RNF166: variants seen among roughly 807,000 people sequenced by gnomAD.
RNF166 encodes ring finger protein 166, also known as E3 ubiquitin-protein ligase RNF166.
Under a neutral mutation model 29.4 loss-of-function variants are expected in RNF166, and 19 were observed. That is an observed-to-expected ratio of 0.65 (90% confidence interval 0.45 to 0.95). The LOEUF (loss-of-function observed/expected upper bound fraction) is 0.95, where lower values mean the gene tolerates loss of function less well. Ranked by LOEUF, RNF166 falls within the 40% of genes least tolerant of loss-of-function variation. RNF166 has a pLI of 0.00. For synonymous variants in RNF166, 171 were observed against 134.5 expected (o/e 1.27, Z -1.88); for missense variants, 347 against 322.1 (o/e 1.08, Z -0.59).
Position 88,698,487 on chromosome 16 carries a change from T to C in RNF166, c.648+15A>G. On this transcript the variant is annotated intron_variant, in intron 5 of 5. Coordinates refer to ENST00000312838, the MANE Select transcript of RNF166 (RefSeq NM_178841.4). ...AGGAGGGCGTGGGGGAGGACGGTGC[T>C]GGCGGGATGCCTACCACAAAGGTGT... The C allele has an allele frequency of 1.3e-6, 2 of 1,550,970 alleles. No homozygotes were observed. Among genetic ancestry groups the C allele is most frequent in the Non-Finnish European group, 1.7e-6 (2 of 1,144,516 alleles).
Position 88,699,818 on chromosome 16 carries a change from C to T in RNF166, c.313-86G>A, listed in dbSNP as rs181342494. 71 of 882,240 alleles carry T rather than the reference C, an allele frequency of 8.0e-5. No homozygotes were observed. In the East Asian group the frequency reaches 1.8e-3, roughly 22 times the overall value. 54.7% of individuals were successfully genotyped at this position (882,240 alleles called of 1,614,324 possible). On this transcript the variant is annotated intron_variant, in intron 2 of 5. Coordinates refer to ENST00000312838, the MANE Select transcript of RNF166 (RefSeq NM_178841.4). ...AGGCCGAGACCTCAGGTGTCCAGGA[C>T]CAGAGAACTGTAAGCAAGCGTCTGT... is the stretch of plus-strand genomic sequence containing the variant.
intron 1 of RNF166, chr16:88,704,378 G>GACTAC: frequency 1.0e-6 from 1 of 985,436 alleles, no homozygotes; most frequent in Non-Finnish European, 1.2e-6. Context: ...GGTGAGACTA[G>GACTAC]GATGGTCGTC....
chr16:88,706,209 G>T lies in RNF166; in HGVS notation c.117C>A (p.Val39=). 1 of 1,315,074 alleles carries T rather than the reference G, an allele frequency of 7.6e-7. No individual in the cohort carries two copies. The highest frequency in any genetic ancestry group is 3.6e-5 in the East Asian group (1 of 28,018). The allele number at this position is 1,315,074 out of a possible 1,614,324, so 81.5% of individuals were successfully genotyped here. The change falls in exon 1 of 6, where the codon GTC becomes GTA. Residue 39 remains valine, a synonymous_variant. Coordinates refer to ENST00000312838, the MANE Select transcript of RNF166 (RefSeq NM_178841.4). ...AQYTCPICLE[V]YHRPVAIGSC... is the part of the protein sequence containing the mutation. Reference sequence around the variant, plus strand: ...TGCCGATGGCCACGGGCCGGTGATAGACCTCCAGGCAGATGGGGCAGGTGT... The same window carrying T: ...TGCCGATGGCCACGGGCCGGTGATATACCTCCAGGCAGATGGGGCAGGTGT...
intron 5 of RNF166, 132 bp from the exon 6 acceptor site, chr16:88,697,765 C>T (rs948522903): frequency 2.5e-5 from 17 of 675,406 alleles, no homozygotes; most frequent in Non-Finnish European, 3.2e-5. Context: ...GACCCAGCTC[C>T]ACTGTCCCCA....
intron 3 of RNF166, 83 bp from the exon 4 acceptor site, chr16:88,699,168 C>G: frequency 1.1e-5 from 11 of 993,946 alleles, no homozygotes; most frequent in Non-Finnish European, 1.7e-5. Flanking sequence ...ACAGGCGTGG[C>G]CCCAGGCCTG....
chr16:88,699,749 G>A lies in RNF166; in HGVS notation c.313-17C>T, dbSNP rs1910020989. ...CAGGGTCACCTAGGAGACAGGGCAG[G>A]GAGGGCAAGGCGGTCCTGAGAATCT... On this transcript the variant is annotated splice_polypyrimidine_tract_variant and intron_variant, in intron 2 of 5. Coordinates refer to ENST00000312838, the MANE Select transcript of RNF166 (RefSeq NM_178841.4). The A allele has an allele frequency of 6.3e-7, 1 of 1,598,312 alleles. No homozygotes were observed. The highest frequency in any genetic ancestry group is 1.3e-5 in the African/African-American group (1 of 74,630).
chr16:88,703,953 C>T (rs532948150), intron 1 of RNF166: 64 of 985,498 alleles, frequency 6.5e-5, no homozygotes, highest in East Asian at 1.1e-4. Context: ...CGTGATCACG[C>T]GTGTCCTGGC....
At chr16:88,702,153 C>CCCTCCTGCTGCTATCTACAACCG (rs151144464) in intron 1 of RNF166, among the ~76,000 whole-genome samples, 137,073 of 152,044 alleles carry the variant, frequency 0.9, 61,835 homozygotes, top group Middle Eastern at 0.95. Context: ...GGCTCGCACA[C>CCCTCCTGCTGCTATCTACAACCG]CCTCCCGCTC....
intron 3 of RNF166, 111 bp from the exon 4 acceptor site, chr16:88,699,196 G>A: frequency 1.3e-6 from 1 of 799,762 alleles, no homozygotes; most frequent in South Asian, 1.5e-5. Context: ...TAGGCTGCAA[G>A]AGCGTGGCAG....
intron 1 of RNF166, chr16:88,702,997 A>G: frequency 1.0e-6 from 1 of 985,576 alleles, no homozygotes; most frequent in Non-Finnish European, 1.2e-6. Flanking sequence ...GGATGAAGAG[A>G]CGGCGTGGCG....
intron 1 of RNF166, chr16:88,702,921 G>A: frequency 1.0e-6 from 1 of 985,482 alleles, no homozygotes; most frequent in Non-Finnish European, 1.2e-6. Context: ...GAGGCCTCAG[G>A]GGACCCCCAT....
chr16:88,704,053 C>T (rs906123634), intron 1 of RNF166: 7 of 985,448 alleles, frequency 7.1e-6, no homozygotes, highest in East Asian at 2.3e-4. Flanking sequence ...GGGCCTCCTG[C>T]GCGAGGGCTA....
In RNF166 at chr16:88,706,294, G is replaced by C. The variant is rs1910797206; in HGVS notation, c.32C>G (p.Ala11Gly). 1 of 1,279,240 alleles carries C rather than the reference G, an allele frequency of 7.8e-7. No individual in the cohort carries two copies. The highest frequency in any genetic ancestry group is 4.1e-5 in the Admixed American group (1 of 24,648). The allele number at this position is 1,279,240 out of a possible 1,614,324, so 79.2% of individuals were successfully genotyped here. MAMFRSLVAS[A>G]QQRQPPAGPA... is the part of the protein sequence containing the mutation. ...CCCGGCCGGCGGCTGCCGCTGCTGA[G>C]CCGAGGCCACCAGGCTGCGGAACAT... The change falls in exon 1 of 6, where the codon GCT becomes GGT. Residue 11 changes from alanine (A) to glycine (G), a missense_variant. Physicochemically the swap from Ala to Gly is moderately conservative, Grantham distance 60. Transcript: ENST00000312838.
chr16:88,703,831 G>A (rs1425718021), intron 1 of RNF166: 1 of 985,324 alleles, frequency 1.0e-6, no homozygotes, highest in Non-Finnish European at 1.2e-6. Flanking sequence ...CTGAGAAGCT[G>A]GGACGGCCCG....
At position 88,706,261 on chromosome 16, in the gene RNF166, C is replaced by T. The variant is rs1000040633; in HGVS notation, c.65G>A (p.Gly22Asp). ...QQRQPPAGPA[G>D]GDSGLEAQYT... Reference sequence around the variant, plus strand: ...CTGCGCCTCCAGGCCGCTGTCGCCGCCCGCCGGCCCGGCCGGCGGCTGCCG... The same window carrying T: ...CTGCGCCTCCAGGCCGCTGTCGCCGTCCGCCGGCCCGGCCGGCGGCTGCCG... The change falls in exon 1 of 6, where the codon GGC (glycine) becomes GAC (aspartate). Residue 22 changes from glycine (G) to aspartate (D), a missense_variant. Physicochemically the swap from Gly to Asp is moderately conservative, Grantham distance 94. Transcript: ENST00000312838. 2.5e-5 allele frequency: 32 copies of T among 1,303,418 alleles called. No homozygotes were observed. Among genetic ancestry groups the T allele is most frequent in the African/African-American group, 1.6e-5 (1 of 63,668 alleles). 80.7% of individuals were successfully genotyped at this position (1,303,418 alleles called of 1,614,324 possible).
chr16:88,706,327 C>G lies in RNF166; in HGVS notation c.-2G>C. Reference sequence around the variant, plus strand: ...CACCAGGCTGCGGAACATAGCCATCCCGGGGCCAGGCCCGCGCCGCCCGCC... The same window carrying G: ...CACCAGGCTGCGGAACATAGCCATCGCGGGGCCAGGCCCGCGCCGCCCGCC... On this transcript the variant is annotated 5_prime_UTR_variant, in exon 1 of 6. Transcript: ENST00000312838. The G allele has an allele frequency of 1.6e-6, 2 of 1,221,996 alleles. No homozygotes were observed. The highest frequency in any genetic ancestry group is 2.0e-6 in the Non-Finnish European group (2 of 981,424). 75.7% of individuals were successfully genotyped at this position (1,221,996 alleles called of 1,614,324 possible).
rs552721633 is a variant in RNF166 at position 88,702,652 on chromosome 16, C to G, written c.156-1234G>C. Reference sequence around the variant, plus strand: ...CACCACTGGATTCCCACAGAGCCACCACCTGGCTGGTGGCTCCCACATGAA... The same window carrying G: ...CACCACTGGATTCCCACAGAGCCACGACCTGGCTGGTGGCTCCCACATGAA... On this transcript the variant is annotated intron_variant, in intron 1 of 5. Coordinates refer to ENST00000312838, the MANE Select transcript of RNF166 (RefSeq NM_178841.4). 12 of 971,264 alleles carry G rather than the reference C, an allele frequency of 1.2e-5. No individual in the cohort carries two copies. The African/African-American group carries it at 2.1e-4, about 17-fold the overall frequency. 60.2% of individuals were successfully genotyped at this position (971,264 alleles called of 1,614,324 possible).
chr16:88,699,513 G>A, intron 3 of RNF166, 107 bp downstream of exon 3: 1 of 858,590 alleles, frequency 1.2e-6, no homozygotes, highest in Non-Finnish European at 1.8e-6. Context: ...AGTGGACCCG[G>A]CCCCGGGTGA....
At chr16:88,698,162 T>A in intron 5 of RNF166, 1 of 598,770 alleles carries the variant, frequency 1.7e-6, no homozygotes, top group Non-Finnish European at 3.0e-6. Context: ...GAGTGTTCGA[T>A]GTTGATGAAA....
Sources: gnomAD v4.1 joint callset for allele counts (sites outside exome capture counted in the v4.1 genomes callset) on GRCh38, gnomAD v4.1.1 for gene constraint, MANE v1.5 for transcripts, NCBI Gene and HGNC (gene_info 2026-07-23, HGNC 2026-07-21) for gene names.